ARID1B: variants seen among roughly 807,000 people sequenced by gnomAD.
The protein encoded by ARID1B is AT-rich interactive domain-containing protein 1B.
A neutral mutation model predicts 212.3 loss-of-function variants in ARID1B; 30 were observed. The observed-to-expected ratio is 0.14, with a 90% CI of 0.11 to 0.19. ARID1B has a LOEUF of 0.19. Ranked by LOEUF, ARID1B falls within the 10% of genes least tolerant of loss-of-function variation. The pLI, the probability that ARID1B is intolerant of heterozygous loss-of-function variation, is 1.00. For missense variants in ARID1B, 2,891 were observed against 3,204.0 expected (o/e 0.90, Z 2.36); for synonymous variants, 1,402 against 1,301.7 (o/e 1.08, Z -1.66).
intron 5 of ARID1B, among the ~76,000 whole-genome samples, chr6:157,102,943 A>G (rs1258948350): frequency 1.3e-5 from 2 of 152,132 alleles, no homozygotes; most frequent in East Asian, 3.9e-4. Flanking sequence ...TAGAACAGGG[A>G]TCACAAACTA....
In ARID1B at chr6:156,933,761, G is replaced by T. The variant is rs531542719; in HGVS notation, c.2137-1705G>T. ...TAAATATCTGAGGCTTTTTTTGTTT[G>T]TTTTTTGTTTGTTTGTTTTTTTGGT... On this transcript the variant is annotated intron_variant, in intron 3 of 19. Coordinates refer to ENST00000636930, the MANE Select transcript of ARID1B (RefSeq NM_001374828.1). Among the ~76,000 whole-genome samples the T allele has an allele frequency of 1.8e-4, 27 of 150,860 alleles. 1 individual carries two copies. Among genetic ancestry groups the T allele is most frequent in the African/African-American group, 6.4e-4 (26 of 40,344 alleles).
At chr6:157,104,071 G>A (rs1218479088) in intron 5 of ARID1B, among the ~76,000 whole-genome samples, 6 of 151,964 alleles carry the variant, frequency 3.9e-5, no homozygotes, top group Non-Finnish European at 8.8e-5. Flanking sequence ...TCCTGACCTC[G>A]TGATCCACCC....
intron 12 of ARID1B, 76 bp from the exon 13 acceptor site, chr6:157,184,155 A>G: frequency 7.4e-7 from 1 of 1,348,108 alleles, no homozygotes; most frequent in Non-Finnish European, 1.0e-6. Flanking sequence ...CCAAGACATT[A>G]AGTGCTTTTT....
At chr6:156,981,331 T>C (rs1224515189) in intron 4 of ARID1B, among the ~76,000 whole-genome samples, 2 of 152,054 alleles carry the variant, frequency 1.3e-5, no homozygotes, top group African/African-American at 4.8e-5. Flanking sequence ...TCACATCGAG[T>C]ATATAGAATT....
intron 1 of ARID1B, among the ~76,000 whole-genome samples, chr6:156,781,531 A>C (rs971554731): frequency 6.6e-6 from 1 of 152,168 alleles, no homozygotes; most frequent in Non-Finnish European, 1.5e-5. Flanking sequence ...AACAATAATC[A>C]TACCTTAGAG....
At chr6:156,934,662 T>G (rs1398497235) in intron 3 of ARID1B, among the ~76,000 whole-genome samples, 1 of 151,930 alleles carries the variant, frequency 6.6e-6, no homozygotes, top group Non-Finnish European at 1.5e-5. Context: ...AGAGGACCTG[T>G]TAAGATATAG....
At chr6:156,999,626 G>A (rs781770894) in intron 4 of ARID1B, among the ~76,000 whole-genome samples, 26 of 152,206 alleles carry the variant, frequency 1.7e-4, no homozygotes, top group Non-Finnish European at 2.9e-4. Context: ...GTTAGGAAGC[G>A]TGTGTGTTTG....
At chr6:157,176,175 G>A (rs911797139) in intron 11 of ARID1B, among the ~76,000 whole-genome samples, 8 of 151,358 alleles carry the variant, frequency 5.3e-5, no homozygotes, top group Non-Finnish European at 8.8e-5. Flanking sequence ...GGCGATATTC[G>A]CTCTTACCTT....
intron 10 of ARID1B, 141 bp downstream of exon 10, chr6:157,174,258 A>G (rs1791933019): frequency 4.5e-6 from 3 of 669,254 alleles, no homozygotes; most frequent in East Asian, 2.8e-5. Context: ...ACATGTTTGT[A>G]GTCTTCTTTT....
intron 2 of ARID1B, among the ~76,000 whole-genome samples, chr6:156,855,384 C>T (rs1249418069): frequency 2.6e-5 from 4 of 152,138 alleles, no homozygotes; most frequent in Non-Finnish European, 5.9e-5. Context: ...CACAGGGTTC[C>T]GGTGTGTCTG....
intron 4 of ARID1B, among the ~76,000 whole-genome samples, chr6:157,012,948 C>T (rs886246673): frequency 2.0e-5 from 3 of 152,136 alleles, no homozygotes; most frequent in Admixed American, 1.3e-4. Context: ...GGCATGATCT[C>T]GGCTCACCGC....
At chr6:156,942,451 C>G (rs1792745529) in intron 4 of ARID1B, 1 of 152,192 alleles carries the variant, frequency 6.6e-6, no homozygotes, top group African/African-American at 2.4e-5. Context: ...GCCACAGAGG[C>G]AGCGTGGACC....
intron 1 of ARID1B, among the ~76,000 whole-genome samples, chr6:156,783,743 G>T (rs971758661): frequency 4.6e-5 from 7 of 152,144 alleles, no homozygotes; most frequent in African/African-American, 9.7e-5. Flanking sequence ...GTAAATTTTG[G>T]ATGTGCTGGC....
intron 3 of ARID1B, among the ~76,000 whole-genome samples, chr6:156,906,450 C>G (rs945133353): frequency 9.9e-5 from 14 of 141,926 alleles, no homozygotes; most frequent in Non-Finnish European, 1.9e-4. Flanking sequence ...GAGGCTGAGG[C>G]AGAAGAATCG....
Position 157,010,278 on chromosome 6 carries a change from G to GTTTT in ARID1B, c.2248-74361_2248-74358dup, listed in dbSNP as rs367851681. Among the ~76,000 whole-genome samples the GTTTT allele has an allele frequency of 1.1e-3, 117 of 102,204 alleles. 3 individuals carry two copies. The highest frequency in any genetic ancestry group is 3.0e-3 in the African/African-American group (76 of 25,300). 67.0% of individuals were successfully genotyped at this position (102,204 alleles called of 152,430 possible). ...TTTTGTTAACATTTATGCATTGCCT[G>GTTTT]TTTTTTTTTTTTTTTTTTTTTTTTT... On this transcript the variant is annotated intron_variant, in intron 4 of 19. Transcript: ENST00000636930.
At chr6:157,053,743 G>A (rs1782754010) in intron 4 of ARID1B, among the ~76,000 whole-genome samples, 1 of 152,090 alleles carries the variant, frequency 6.6e-6, no homozygotes, top group African/African-American at 2.4e-5. Context: ...CTTTCTATAA[G>A]TTTGATTTAT....
chr6:157,030,997 C>T (rs1011792708), intron 4 of ARID1B, among the ~76,000 whole-genome samples: 3 of 151,836 alleles, frequency 2.0e-5, no homozygotes, highest in Non-Finnish European at 4.4e-5. Flanking sequence ...GTCTGTCATG[C>T]TAATGAGGAG....
At chr6:157,141,542 A>G (rs1302008953) in intron 7 of ARID1B, among the ~76,000 whole-genome samples, 1 of 152,208 alleles carries the variant, frequency 6.6e-6, no homozygotes, top group Non-Finnish European at 1.5e-5. Context: ...GTGATCATCT[A>G]CTTGATGCAT....
rs67256455 is a variant in ARID1B, at chr6:157,062,708, T to TATATATA, written c.2248-21954_2248-21953insATATATA. On this transcript the variant is annotated intron_variant, in intron 4 of 19. Transcript: ENST00000636930. ...TGTTTTAAAATATATATATATATATTTTTTTTTTTTTTGAGATGGAGTTTT... is the reference window on the plus strand; with the variant it reads ...TGTTTTAAAATATATATATATATATTATATATATTTTTTTTTTTTGAGATGGAGTTTT... 1.2e-3 allele frequency among the ~76,000 whole-genome samples: 94 copies of TATATATA among 77,710 alleles called. 1 individual carries two copies. Among genetic ancestry groups the TATATATA allele is most frequent in the Non-Finnish European group, 2.0e-3 (68 of 34,472 alleles). The allele number at this position is 77,710 out of a possible 152,430, so 51.0% of individuals were successfully genotyped here.
Sources: gnomAD v4.1 joint callset for allele counts (sites outside exome capture counted in the v4.1 genomes callset) on GRCh38, gnomAD v4.1.1 for gene constraint, MANE v1.5 for transcripts, NCBI Gene and HGNC (gene_info 2026-07-23, HGNC 2026-07-21) for gene names.